Variants in AHNAK observed in about 807,000 individuals in gnomAD.
AHNAK encodes the protein neuroblast differentiation-associated protein AHNAK.
Under a neutral mutation model 37.8 loss-of-function variants are expected in AHNAK, and 23 were observed. The ratio of observed to expected loss-of-function variants is 0.61; its 90% confidence interval spans 0.44 to 0.86. The LOEUF (loss-of-function observed/expected upper bound fraction) is 0.86. AHNAK is among the 40% of genes least tolerant of loss of function. AHNAK has a pLI of 0.00. For missense variants in AHNAK, 7,411 were observed against 7,319.4 expected, an observed-to-expected ratio of 1.01 and a Z score of -0.46; for synonymous variants, 2,481 against 2,636.3, an observed-to-expected ratio of 0.94 and a Z score of 1.80.
Position 62,529,029 on chromosome 11 carries a change from C to T in AHNAK, c.5388G>A (p.Lys1796=). Residue 1796 remains lysine (K), a synonymous_variant, in exon 5 of 5, where the codon AAG becomes AAA. Coordinates refer to ENST00000378024, the MANE Select transcript of AHNAK (RefSeq NM_001620.3). ...CTGGCACAGAAGCATCTATCTCTCCCTTCAGTTTGGGTCCCTTCAAATTCA... is the reference window on the plus strand; with the variant it reads ...CTGGCACAGAAGCATCTATCTCTCCTTTCAGTTTGGGTCCCTTCAAATTCA... ...VDLNLKGPKL[K]GEIDASVPEL... 2 of 1,614,040 alleles carry T rather than the reference C, an allele frequency of 1.2e-6. No homozygotes were observed. Among genetic ancestry groups the T allele is most frequent in the Non-Finnish European group, 1.7e-6 (2 of 1,180,002 alleles).
At chr11:62,491,935 G>T in intron 4 of AHNAK, 4 of 1,016,538 alleles carry the variant, frequency 3.9e-6, no homozygotes, top group Middle Eastern at 2.5e-4. Flanking sequence ...GAGACCCCAC[G>T]TTTACCACTA....
intron 4 of AHNAK, among the ~76,000 whole-genome samples, chr11:62,499,656 G>T (rs1222876149): frequency 6.6e-6 from 1 of 152,220 alleles, no homozygotes; most frequent in African/African-American, 2.4e-5. Flanking sequence ...AAAGGGGAAA[G>T]GGGTGTGGCC....
intron 1 of AHNAK, among the ~76,000 whole-genome samples, chr11:62,537,021 T>G (rs1297109976): frequency 6.6e-6 from 1 of 151,314 alleles, no homozygotes; most frequent in Non-Finnish European, 1.5e-5. Context: ...ATAGCGGATC[T>G]CGGCTCGCTG....
chr11:62,533,875 T>A lies in AHNAK; in HGVS notation c.542A>T (p.Lys181Met). ...CAGTTCATGTCTTGGAATCTTGATC[T>A]TGAATTCAGGGCTACTGATGTCTAT... ...KDIDISSPEF[K>M]IKIPRHELTE... is the part of the protein sequence containing the mutation. Residue 181 changes from lysine (K) to methionine (M), a missense_variant, in exon 5 of 5, where the codon AAG (lysine) becomes ATG (methionine). By Grantham distance (95) the Lys-to-Met change is moderately conservative. Coordinates refer to ENST00000378024, the MANE Select transcript of AHNAK (RefSeq NM_001620.3). 1 of 1,614,212 alleles carries A rather than the reference T, an allele frequency of 6.2e-7. No homozygotes were observed.
At chr11:62,452,052 TC>T (rs1356764757) in intron 5 of AHNAK, among the ~76,000 whole-genome samples, 12 of 152,082 alleles carry the variant, frequency 7.9e-5, no homozygotes, top group African/African-American at 2.7e-4. Context: ...GACCTCGTGA[TC>T]CACCTGCCTC....
chr11:62,526,207 T>C lies in AHNAK; in HGVS notation c.8210A>G (p.Lys2737Arg), dbSNP rs746711336. Residue 2737 changes from lysine to arginine, a missense_variant, in exon 5 of 5, where the codon AAG becomes AGG. Transcript: ENST00000378024. ...VSLPKVEGDL[K>R]GPEVDIKGPK... ...GCCCTTGATGTCAACTTCTGGGCCCTTGAGGTCACCTTCCACTTTAGGAAG... is the reference window on the plus strand; with the variant it reads ...GCCCTTGATGTCAACTTCTGGGCCCCTGAGGTCACCTTCCACTTTAGGAAG... The C allele has an allele frequency of 6.2e-7, 1 of 1,614,012 alleles. No individual in the cohort carries two copies.
At chr11:62,534,102 T>A (rs1940867623) in intron 4 of AHNAK, 28 bp from the exon 5 acceptor site, 1 of 1,516,658 alleles carries the variant, frequency 6.6e-7, no homozygotes, top group Admixed American at 2.2e-5. Context: ...GGGCAGAGGT[T>A]GCAGCAGAGT....
intron 4 of AHNAK, 83 bp from the exon 5 acceptor site, chr11:62,534,157 C>A: frequency 7.1e-7 from 1 of 1,407,190 alleles, no homozygotes; most frequent in Non-Finnish European, 9.4e-7. Context: ...GCCGACAACA[C>A]GTTGCCTGTT....
chr11:62,456,299 T>C lies in AHNAK; in HGVS notation c.443-22408A>G, dbSNP rs77635674. On this transcript the variant is annotated intron_variant, in intron 5 of 5. Transcript: ENST00000257247. ...TGAGCAAAAAATACAGCCCTCATCATTGGCCTTTGCCACTTTCTGTGGCTG... is the reference window on the plus strand; with the variant it reads ...TGAGCAAAAAATACAGCCCTCATCACTGGCCTTTGCCACTTTCTGTGGCTG... Among the ~76,000 whole-genome samples, 419 of 152,298 alleles carry C rather than the reference T, an allele frequency of 2.8e-3. 1 individual carries two copies. The highest frequency in any genetic ancestry group is 4.1e-3 in the Non-Finnish European group (281 of 68,008).
In AHNAK at chr11:62,525,730, T is replaced by C; in HGVS notation, c.8687A>G (p.Lys2896Arg). The change falls in exon 5 of 5, where the codon AAG becomes AGG. Residue 2896 changes from lysine to arginine, a missense_variant. Lys to Arg is a conservative substitution (Grantham distance 26). Coordinates refer to ENST00000378024, the MANE Select transcript of AHNAK (RefSeq NM_001620.3). ...CATGCTGAACTTGGGCATTTTCATC[T>C]TGGGCATCTTCAGGTGCCAGTCTGG... Reference protein sequence around the residue: ...QGPDWHLKMPKMKMPKFSMPG... With the variant: ...QGPDWHLKMPRMKMPKFSMPG... 5.0e-6 allele frequency: 8 copies of C among 1,613,402 alleles called. No individual in the cohort carries two copies. The highest frequency in any genetic ancestry group is 6.8e-6 in the Non-Finnish European group (8 of 1,179,860).
chr11:62,484,419 G>T (rs890804647), intron 5 of AHNAK, among the ~76,000 whole-genome samples: 2 of 152,196 alleles, frequency 1.3e-5, no homozygotes, highest in Non-Finnish European at 2.9e-5. Context: ...CAAGAGAGAC[G>T]CCATAGGTCA....
chr11:62,502,604 G>A (rs994407895), intron 4 of AHNAK, among the ~76,000 whole-genome samples: 5 of 152,244 alleles, frequency 3.3e-5, no homozygotes, highest in South Asian at 2.1e-4. Context: ...CTGACAGTCC[G>A]GAGCAAGAGG....
At chr11:62,454,751 G>A (rs552004631) in intron 5 of AHNAK, among the ~76,000 whole-genome samples, 1 of 152,062 alleles carries the variant, frequency 6.6e-6, no homozygotes, top group East Asian at 1.9e-4. Flanking sequence ...GGAGAAAGGA[G>A]TGAGAGGCAT....
chr11:62,509,407 G>C (rs1195990742), intron 4 of AHNAK, among the ~76,000 whole-genome samples: 1 of 151,900 alleles, frequency 6.6e-6, no homozygotes, highest in Non-Finnish European at 1.5e-5. Context: ...AAAATTAGCT[G>C]GGTGTGGTGG....
At position 62,524,268 on chromosome 11, in the gene AHNAK, T is replaced by C. The variant is rs1270041222; in HGVS notation, c.10149A>G (p.Pro3383=). 1 of 1,613,842 alleles carries C rather than the reference T, an allele frequency of 6.2e-7. No individual in the cohort carries two copies. The highest frequency in any genetic ancestry group is 1.7e-5 in the Admixed American group (1 of 59,948). The change falls in exon 5 of 5, where the codon CCA becomes CCG. Residue 3383 remains proline, a synonymous_variant. Coordinates refer to ENST00000378024, the MANE Select transcript of AHNAK (RefSeq NM_001620.3). ...CATCAGGAGCATTAATATCAACTTT[T>C]GGACCTGTTATGTCAATATCTGGCT... The part of the protein sequence containing the change: ...GKKPDIDITG[P]KVDINAPDVE...
chr11:62,497,087 A>C (rs1030778634), intron 4 of AHNAK, among the ~76,000 whole-genome samples: 1 of 152,166 alleles, frequency 6.6e-6, no homozygotes, highest in Non-Finnish European at 1.5e-5. Flanking sequence ...TGAAAAGATT[A>C]AGGCTGGATC....
rs1940580585 is a variant in AHNAK at position 62,528,243 on chromosome 11, C to T, written c.6174G>A (p.Met2058Ile). 1 of 1,614,176 alleles carries T rather than the reference C, an allele frequency of 6.2e-7. No homozygotes were observed. The highest frequency in any genetic ancestry group is 8.5e-7 in the Non-Finnish European group (1 of 1,180,050). The stretch of plus-strand genomic sequence containing the variant: ...CTGGGCCCTCTGCTTTGAAGCCAGG[C>T]ATGCTGAACTTGGGCATTTTCATCT... ...MPKMKMPKFS[M>I]PGFKAEGPEV... The change falls in exon 5 of 5, where the codon ATG becomes ATA. Residue 2058 changes from methionine (M) to isoleucine (I), a missense_variant. Coordinates refer to ENST00000378024, the MANE Select transcript of AHNAK (RefSeq NM_001620.3).
At position 62,473,084 on chromosome 11, in the gene AHNAK, C is replaced by CAAAAAAA. The variant is rs71056522; in HGVS notation, c.442+18641_442+18647dup. 9.3e-4 allele frequency among the ~76,000 whole-genome samples: 16 copies of CAAAAAAA among 17,294 alleles called. 4 individuals carry two copies. Among genetic ancestry groups the CAAAAAAA allele is most frequent in the African/African-American group, 4.1e-3 (15 of 3,668 alleles). The allele number at this position is 17,294 out of a possible 152,430, so 11.3% of individuals were successfully genotyped here. On this transcript the variant is annotated intron_variant, in intron 5 of 5. Coordinates refer to the AHNAK transcript ENST00000257247. ...TGGGCAACAGAGCAAGACTCCATCT[C>CAAAAAAA]AAAAAAAAAAAAAAAAAAAAAAAAA... is the stretch of plus-strand genomic sequence containing the variant.
chr11:62,513,251 G>A (rs1939946386), downstream of AHNAK, among the ~76,000 whole-genome samples: 1 of 152,152 alleles, frequency 6.6e-6, no homozygotes, highest in Admixed American at 6.5e-5. Context: ...GACTTTAGGG[G>A]ATAGGCCGGG....
Sources: gnomAD v4.1 joint callset for allele counts (sites outside exome capture counted in the v4.1 genomes callset) on GRCh38, gnomAD v4.1.1 for gene constraint, MANE v1.5 for transcripts, NCBI Gene and HGNC (gene_info 2026-07-23, HGNC 2026-07-21) for gene names.